POLE: variants seen among roughly 807,000 people sequenced by gnomAD.
POLE encodes DNA polymerase epsilon catalytic subunit A.
Under a neutral mutation model 279.2 loss-of-function variants are expected in POLE, and 188 were observed. That is an observed-to-expected ratio of 0.67 (90% CI 0.60 to 0.76). The LOEUF (loss-of-function observed/expected upper bound fraction) is 0.76. Among genes scored for constraint, POLE ranks in the 30% least tolerant of loss-of-function variants. The pLI, the probability that POLE is intolerant of heterozygous loss-of-function variation, is 0.00. For synonymous variants in POLE, 1,214 were observed against 1,172.5 expected, an observed-to-expected ratio of 1.04 and a Z score of -0.72; for missense variants, 2,703 against 3,016.7, an observed-to-expected ratio of 0.90 and a Z score of 2.44.
rs5744755 is a variant in POLE at position 132,677,086 on chromosome 12, T to C, written c.801+277A>G. 0.028 allele frequency among the ~76,000 whole-genome samples: 4,249 copies of C among 152,242 alleles called. 85 individuals are homozygous for C. Among genetic ancestry groups the C allele is most frequent in the Non-Finnish European group, 0.042 (2,874 of 68,026 alleles). On this transcript the variant is annotated intron_variant, in intron 8 of 48. Transcript: ENST00000320574. Reference sequence around the variant, plus strand: ...ACAAATCCATTTTTCACCATGTCCCTTCACTATCAACTACCCAAACGGAAG... The same window carrying C: ...ACAAATCCATTTTTCACCATGTCCCCTCACTATCAACTACCCAAACGGAAG...
chr12:132,683,129 A>G (rs2043203008), intron 1 of POLE, among the ~76,000 whole-genome samples: 1 of 151,906 alleles, frequency 6.6e-6, no homozygotes, highest in African/African-American at 2.4e-5. Context: ...GCAGGATGAC[A>G]CCCCCCATGA....
intron 47 of POLE, chr12:132,625,403 G>A (rs1484327034): frequency 4.0e-6 from 3 of 751,476 alleles, no homozygotes; most frequent in Non-Finnish European, 4.9e-6. Flanking sequence ...ACACTTGGGA[G>A]TGTCTGCCTC....
intron 15 of POLE, 69 bp from the exon 16 acceptor site, chr12:132,672,391 G>T: frequency 7.6e-7 from 1 of 1,318,422 alleles, no homozygotes; most frequent in Non-Finnish European, 1.1e-6. Context: ...CAGGTTTGAC[G>T]CTGTGGCTGC....
rs368632925 is a variant in POLE at position 132,672,178 on chromosome 12, AAC to A, written c.1794+35_1794+36del. ...GACGTGGTCTGTGAAGAAGGCGCCA[AAC>A]ACAGACTGGCTCTTCCTGCCTCCCT... is the stretch of plus-strand genomic sequence containing the variant. On this transcript the variant is annotated intron_variant, in intron 16 of 48. Coordinates refer to ENST00000320574, the MANE Select transcript of POLE (RefSeq NM_006231.4). The A allele has an allele frequency of 7.1e-4, 1,033 of 1,454,350 alleles. 10 individuals carry two copies. The African/African-American group carries it at 0.013, about 18-fold the overall frequency. 90.1% of individuals were successfully genotyped at this position (1,454,350 alleles called of 1,614,324 possible).
intron 21 of POLE, among the ~76,000 whole-genome samples, chr12:132,665,084 C>T (rs1258251797): frequency 6.6e-6 from 1 of 152,162 alleles, no homozygotes; most frequent in Non-Finnish European, 1.5e-5. Context: ...ATACACCCCA[C>T]AGCACGCATC....
At chr12:132,625,974 G>T (rs1339050092) in intron 46 of POLE, 143 bp downstream of exon 46, 2 of 1,098,838 alleles carry the variant, frequency 1.8e-6, no homozygotes, top group East Asian at 2.6e-5. Context: ...GGAGGCCTGG[G>T]AAGGGGCCTG....
At position 132,649,707 on chromosome 12, in the gene POLE, C is replaced by T. The variant is rs2138612805; in HGVS notation, c.3765G>A (p.Leu1255=). 6.2e-7 allele frequency: 1 copy of T among 1,614,144 alleles called. No homozygotes were observed. Among genetic ancestry groups the T allele is most frequent in the South Asian group, 1.1e-5 (1 of 91,076 alleles). The change falls in exon 30 of 49, where the codon TTG becomes TTA. Residue 1255 remains leucine (L), a synonymous_variant. Transcript: ENST00000320574. ...TGGTTCCCAGGGCGGGAGGCTGCCC[C>T]AAGATTTCCTGCCAGGGCACAGTCG... is the stretch of plus-strand genomic sequence containing the variant. ...LTPTVPWQEI[L]GQPPALGTSQ...
Position 132,648,994 on chromosome 12 carries a change from T to C in POLE, c.4084A>G (p.Ile1362Val), listed in dbSNP as rs2138597914. Reference protein sequence around the residue: ...GSDLHCIRLSIPRVFYVNQRV... With the variant: ...GSDLHCIRLSVPRVFYVNQRV... ...TGGTTCACGTAGAACACACGGGGGA[T>C]GCTCAGCCTGATGCAGTGCAAGTCA... Residue 1362 changes from isoleucine to valine, a missense_variant, in exon 32 of 49, where the codon ATC becomes GTC. Ile to Val is a conservative substitution (Grantham distance 29). This residue lies in a region of POLE where 1,551 missense variants were observed against 1,686.1 expected (regional missense o/e 0.92). Coordinates refer to ENST00000320574, the MANE Select transcript of POLE (RefSeq NM_006231.4). The C allele has an allele frequency of 6.2e-7, 1 of 1,614,084 alleles. No homozygotes were observed. Among genetic ancestry groups the C allele is most frequent in the Non-Finnish European group, 8.5e-7 (1 of 1,180,014 alleles).
chr12:132,658,602 C>G (rs1172434535), intron 26 of POLE: 1 of 153,252 alleles, frequency 6.5e-6, no homozygotes, highest in African/African-American at 2.4e-5. Context: ...ACTAGCAAAG[C>G]AACTGGCAAC....
Position 132,680,902 on chromosome 12 carries a change from C to A in POLE, c.205-215G>T, listed in dbSNP as rs527642606. 4.9e-5 allele frequency: 31 copies of A among 630,390 alleles called. No homozygotes were observed. The African/African-American group carries it at 5.5e-4, about 11-fold the overall frequency. The allele number at this position is 630,390 out of a possible 1,614,324, so 39.0% of individuals were successfully genotyped here. A position where few individuals can be genotyped will look rare whatever the true frequency, so the allele number is the denominator to read the frequency against. ...CTCTCTCAATTTCTCCCTCATAATC[C>A]TTGAAAGCTTTATTCTGATGGCTAA... On this transcript the variant is annotated intron_variant, in intron 2 of 48. Coordinates refer to ENST00000320574, the MANE Select transcript of POLE (RefSeq NM_006231.4).
chr12:132,670,740 C>T (rs571325401), intron 16 of POLE, among the ~76,000 whole-genome samples: 19 of 152,152 alleles, frequency 1.2e-4, no homozygotes, highest in African/African-American at 2.9e-4. Context: ...TGATCCACCT[C>T]GGCCTCCCAA....
rs1252631889 is a variant in POLE, at chr12:132,657,442, G to C, written c.3379-13C>G. On this transcript the variant is annotated splice_polypyrimidine_tract_variant and intron_variant, in intron 27 of 48. Transcript: ENST00000320574. Reference sequence around the variant, plus strand: ...CCCAATCCAGAATCTGCATGTGCAGGAAACGGGCACAGAGAACAGCAGGTG... The same window carrying C: ...CCCAATCCAGAATCTGCATGTGCAGCAAACGGGCACAGAGAACAGCAGGTG... The C allele has an allele frequency of 6.2e-7, 1 of 1,613,180 alleles. No individual in the cohort carries two copies. The highest frequency in any genetic ancestry group is 8.5e-7 in the Non-Finnish European group (1 of 1,179,482).
At chr12:132,657,077 C>T in intron 29 of POLE, 59 bp downstream of exon 29, 1 of 1,580,378 alleles carries the variant, frequency 6.3e-7, no homozygotes. Context: ...CGCAAGAAGC[C>T]TGGAGTCCTG....
intron 21 of POLE, 76 bp downstream of exon 21, chr12:132,665,226 C>T (rs1394205799): frequency 6.8e-7 from 1 of 1,460,522 alleles, no homozygotes; most frequent in Non-Finnish European, 9.5e-7. Context: ...TGCACAGCAG[C>T]CTACACCTGA....
Position 132,672,327 on chromosome 12 carries a change from C to T in POLE, c.1687-5G>A, listed in dbSNP as rs1489245076. 1.2e-6 allele frequency: 2 copies of T among 1,611,758 alleles called. No homozygotes were observed. The highest frequency in any genetic ancestry group is 1.7e-6 in the Non-Finnish European group (2 of 1,177,978). On this transcript the variant is annotated splice_polypyrimidine_tract_variant and splice_region_variant and intron_variant, in intron 15 of 48. Coordinates refer to ENST00000320574, the MANE Select transcript of POLE (RefSeq NM_006231.4). ...GAAGTCAAAGGCGGCAGGATTCTAGCACAACAGTGAGACGACGGGGTCAGA... is the reference window on the plus strand; with the variant it reads ...GAAGTCAAAGGCGGCAGGATTCTAGTACAACAGTGAGACGACGGGGTCAGA...
At position 132,668,442 on chromosome 12, in the gene POLE, G is replaced by A. The variant is rs766037063; in HGVS notation, c.2087C>T (p.Pro696Leu). 1.2e-5 allele frequency: 20 copies of A among 1,612,548 alleles called. No individual in the cohort carries two copies. The highest frequency in any genetic ancestry group is 3.3e-5 in the Admixed American group (2 of 59,776). The change falls in exon 19 of 49, where the codon CCC (proline) becomes CTC (leucine). Residue 696 changes from proline (P) to leucine (L), a missense_variant. By Grantham distance (98) the Pro-to-Leu change is moderately conservative (BLOSUM62 -3). Transcript: ENST00000320574. This position sits in a 1 kb window ranked among gnomAD's most constrained non-coding sequence, Gnocchi z 4.0. The part of the protein sequence containing the change: ...IQHQLESEKF[P>L]PLFPEGPARA... ...AGCTGGCCCCTCTGGGAACAAGGGGGGGAACTTCTCTGACTCCAGCTGGTG... is the reference window on the plus strand; with the variant it reads ...AGCTGGCCCCTCTGGGAACAAGGGGAGGAACTTCTCTGACTCCAGCTGGTG...
rs575414442 is a variant in POLE, at chr12:132,625,012, C to T, written c.6658-18G>A. 9.4e-6 allele frequency: 15 copies of T among 1,603,370 alleles called. No individual in the cohort carries two copies. In the East Asian group the frequency reaches 2.9e-4, roughly 31 times the overall value. ...AGGCAGACCTGAAAGGGAGCAGCCC[C>T]GATGGGCGCCAGCCCTCCCGCGCTG... On this transcript the variant is annotated intron_variant, in intron 47 of 48. Coordinates refer to ENST00000320574, the MANE Select transcript of POLE (RefSeq NM_006231.4).
At chr12:132,632,975 T>G in intron 43 of POLE, 180 bp from the exon 44 acceptor site, 2 of 633,932 alleles carry the variant, frequency 3.2e-6, no homozygotes, top group Non-Finnish European at 5.3e-6. Flanking sequence ...GAAGTGGAAA[T>G]GAGAAGGAAC....
Position 132,635,902 on chromosome 12 carries a change from T to C in POLE, c.5801A>G (p.His1934Arg), listed in dbSNP as rs2042022166. The C allele has an allele frequency of 6.2e-7, 1 of 1,612,726 alleles. No individual in the cohort carries two copies. Among genetic ancestry groups the C allele is most frequent in the African/African-American group, 1.3e-5 (1 of 74,860 alleles). ...CTGCAGCTCGCTTACCAGTCCACAGTGAATACGAGATGAAACTTTTCCTTT... is the reference window on the plus strand; with the variant it reads ...CTGCAGCTCGCTTACCAGTCCACAGCGAATACGAGATGAAACTTTTCCTTT... ...GIKGKVSSRIHCGLQDSQKAG... is the reference protein window; with the variant it reads ...GIKGKVSSRIRCGLQDSQKAG... The change falls in exon 42 of 49, where the codon CAC becomes CGC. Residue 1934 changes from histidine (H) to arginine (R), a missense_variant. By Grantham distance (29) the His-to-Arg change is conservative. Transcript: ENST00000320574.
Sources: gnomAD v4.1 joint callset for allele counts (sites outside exome capture counted in the v4.1 genomes callset) on GRCh38, gnomAD v4.1.1 for gene constraint, gnomAD v4.1.1 regional missense constraint, Gnocchi (gnomAD v3.1) non-coding constraint, MANE v1.5 for transcripts, NCBI Gene and HGNC (gene_info 2026-07-23, HGNC 2026-07-21) for gene names.